Variants in GPR158 observed in about 807,000 individuals in gnomAD.
GPR158 encodes G protein-coupled receptor 158.
In GPR158, 30 loss-of-function variants were observed where a neutral mutation model predicts 78.2. That is an observed-to-expected ratio of 0.38 (90% CI 0.29 to 0.52). The LOEUF is 0.52. GPR158 is among the 20% of genes least tolerant of loss of function. The pLI is 0.83. For synonymous variants in GPR158, 581 were observed against 591.1 expected (o/e 0.98, Z 0.25); for missense variants, 1,463 against 1,523.5 (o/e 0.96, Z 0.66).
chr10:25,362,293 C>T (rs1292386640), intron 2 of GPR158, among the ~76,000 whole-genome samples: 4 of 151,880 alleles, frequency 2.6e-5, no homozygotes, highest in Non-Finnish European at 5.9e-5. Flanking sequence ...TCTGGGCTCT[C>T]ATCCTATTCC....
intron 2 of GPR158, among the ~76,000 whole-genome samples, chr10:25,372,461 A>G (rs908601146): frequency 3.8e-4 from 55 of 144,714 alleles, no homozygotes; most frequent in African/African-American, 1.4e-3. Context: ...ACCAACCCAA[A>G]TGTCCAACAA....
chr10:25,303,048 T>C (rs1343121899), intron 2 of GPR158, among the ~76,000 whole-genome samples: 3 of 152,216 alleles, frequency 2.0e-5, no homozygotes, highest in South Asian at 2.1e-4. Context: ...CATGTCAAGA[T>C]GGAGAAATTA....
intron 5 of GPR158, among the ~76,000 whole-genome samples, chr10:25,522,789 C>G (rs1836296079): frequency 6.6e-6 from 1 of 152,096 alleles, no homozygotes; most frequent in Non-Finnish European, 1.5e-5. Flanking sequence ...AGACATGGGA[C>G]TGTGAAGGGG....
intron 2 of GPR158, among the ~76,000 whole-genome samples, chr10:25,302,377 C>G (rs536038846): frequency 7.2e-5 from 11 of 152,198 alleles, no homozygotes; most frequent in Non-Finnish European, 1.5e-4. Flanking sequence ...AGCCACCGCG[C>G]CCGGCCATTT....
intron 1 of GPR158, among the ~76,000 whole-genome samples, chr10:25,188,036 G>A (rs192136380): frequency 0.014 from 2,098 of 152,226 alleles, 50 homozygotes; most frequent in African/African-American, 0.048. Context: ...ATTCACAATT[G>A]CTTCAAAGAG....
chr10:25,203,790 G>T lies in GPR158; in HGVS notation c.903-17262G>T, dbSNP rs1340125468. ...TTAAAGTAGTTTTTTTTCAAATTCT[G>T]TGAAGAAAGTCATTGGTAGCTTGAT... is the stretch of plus-strand genomic sequence containing the variant. On this transcript the variant is annotated intron_variant, in intron 1 of 10. Coordinates refer to ENST00000376351, the MANE Select transcript of GPR158 (RefSeq NM_020752.3). Among the ~76,000 whole-genome samples, 19 of 143,838 alleles carry T rather than the reference G, an allele frequency of 1.3e-4. 2 individuals are homozygous for T. Among genetic ancestry groups the T allele is most frequent in the African/African-American group, 5.1e-4 (19 of 37,590 alleles). The allele number at this position is 143,838 out of a possible 152,430, so 94.4% of individuals were successfully genotyped here.
intron 5 of GPR158, among the ~76,000 whole-genome samples, chr10:25,513,642 A>C (rs1379939615): frequency 2.6e-5 from 4 of 151,860 alleles, no homozygotes; most frequent in Non-Finnish European, 5.9e-5. Flanking sequence ...CAGACTTTTG[A>C]TGTAGGCATT....
chr10:25,294,100 T>A (rs1854478061), intron 2 of GPR158, among the ~76,000 whole-genome samples: 1 of 152,226 alleles, frequency 6.6e-6, no homozygotes, highest in Non-Finnish European at 1.5e-5. Flanking sequence ...TAAATTAACT[T>A]TCTTTCATCT....
chr10:25,507,078 T>A (rs1182653460), intron 5 of GPR158, among the ~76,000 whole-genome samples: 2 of 152,192 alleles, frequency 1.3e-5, no homozygotes, highest in African/African-American at 4.8e-5. Flanking sequence ...GGGCCTCTGG[T>A]CAGCATGCTG....
At chr10:25,521,548 G>T (rs1836274462) in intron 5 of GPR158, among the ~76,000 whole-genome samples, 2 of 152,262 alleles carry the variant, frequency 1.3e-5, no homozygotes, top group South Asian at 4.1e-4. Flanking sequence ...ATTTCTTCTT[G>T]GTTTGGATCC....
chr10:25,459,346 G>T (rs897207502), intron 4 of GPR158, among the ~76,000 whole-genome samples: 1 of 152,060 alleles, frequency 6.6e-6, no homozygotes, highest in Admixed American at 6.6e-5. Flanking sequence ...TCAAACTTAT[G>T]CTAGTTCATC....
chr10:25,349,796 CA>C (rs1468771327), intron 2 of GPR158, among the ~76,000 whole-genome samples: 1 of 136,230 alleles, frequency 7.3e-6, no homozygotes, highest in Non-Finnish European at 1.5e-5. Context: ...TCACAAGTTT[CA>C]GGGGTTAGGA....
At position 25,598,636 on chromosome 10, in the gene GPR158, G is replaced by A; in HGVS notation, c.3010G>A (p.Gly1004Arg). The A allele has an allele frequency of 6.2e-7, 1 of 1,614,032 alleles. No homozygotes were observed. ...CCAGATGAAGGACAACTTTGACATT[G>A]GGGAGGTGTGTCCTTGGGAGGTTTA... ...TTQMKDNFDI[G>R]EVCPWEVYDL... Residue 1004 changes from glycine to arginine, a missense_variant, in exon 11 of 11, where the codon GGG becomes AGG. Gly to Arg is a moderately radical substitution (Grantham distance 125). Coordinates refer to ENST00000376351, the MANE Select transcript of GPR158 (RefSeq NM_020752.3).
chr10:25,392,055 G>A (rs1180287078), intron 2 of GPR158, among the ~76,000 whole-genome samples: 2 of 152,006 alleles, frequency 1.3e-5, no homozygotes, highest in Non-Finnish European at 2.9e-5. Context: ...CTTCTCTTTT[G>A]CCTTCCGCCA....
intron 2 of GPR158, among the ~76,000 whole-genome samples, chr10:25,317,204 C>T (rs1025331711): frequency 6.6e-6 from 1 of 151,746 alleles, no homozygotes; most frequent in African/African-American, 2.4e-5. Context: ...ATCACCACAC[C>T]AGGCTAATTT....
At chr10:25,217,509 A>G in intron 1 of GPR158, among the ~76,000 whole-genome samples, 1 of 152,370 alleles carries the variant, frequency 6.6e-6, no homozygotes, top group Non-Finnish European at 1.5e-5. Context: ...TTCAAGAGCT[A>G]CAAACCAGGA....
chr10:25,432,999 C>G (rs1487054229), intron 4 of GPR158, among the ~76,000 whole-genome samples: 1 of 152,184 alleles, frequency 6.6e-6, no homozygotes, highest in Non-Finnish European at 1.5e-5. Context: ...CAAACAGTAT[C>G]ACGTATAGTG....
chr10:25,402,028 C>A (rs1455192265), intron 3 of GPR158, among the ~76,000 whole-genome samples: 1 of 152,036 alleles, frequency 6.6e-6, no homozygotes, highest in Non-Finnish European at 1.5e-5. Context: ...AAAAAAGTAA[C>A]CTGCAGTGAA....
intron 2 of GPR158, among the ~76,000 whole-genome samples, chr10:25,371,995 C>G (rs1035028829): frequency 2.6e-5 from 4 of 151,714 alleles, no homozygotes; most frequent in Admixed American, 6.6e-5. Flanking sequence ...GCAATGAACT[C>G]AAATAAATTT....
Sources: gnomAD v4.1 joint callset for allele counts (sites outside exome capture counted in the v4.1 genomes callset) on GRCh38, gnomAD v4.1.1 for gene constraint, MANE v1.5 for transcripts, NCBI Gene and HGNC (gene_info 2026-07-23, HGNC 2026-07-21) for gene names.